The following C1orf21 variants were observed in gnomAD, a reference collection of about 807,000 sequenced individuals.
The protein encoded by C1orf21 is uncharacterized protein C1orf21.
In C1orf21, 3 loss-of-function variants were observed where a neutral mutation model predicts 18.7. That is an observed-to-expected ratio of 0.16 (90% CI 0.07 to 0.42). C1orf21 has a LOEUF of 0.42. Ranked by LOEUF, C1orf21 falls within the 10% of genes least tolerant of loss-of-function variation. The pLI is 0.99. For missense variants in C1orf21, 104 were observed against 143.6 expected, an observed-to-expected ratio of 0.72 and a Z score of 1.41; for synonymous variants, 41 against 46.4, an observed-to-expected ratio of 0.88 and a Z score of 0.47.
intron 1 of C1orf21, among the ~76,000 whole-genome samples, chr1:184,413,747 C>G (rs541908468): frequency 6.6e-6 from 1 of 152,146 alleles, no homozygotes; most frequent in Non-Finnish European, 1.5e-5. Flanking sequence ...GAAGAAGTGT[C>G]TCTACCATGA....
chr1:184,420,971 A>G (rs1419115735), intron 1 of C1orf21, among the ~76,000 whole-genome samples: 1 of 152,188 alleles, frequency 6.6e-6, no homozygotes, highest in Non-Finnish European at 1.5e-5. Flanking sequence ...CCACAAATGC[A>G]CCTACCCTTT....
chr1:184,424,369 G>A (rs1656599509), intron 1 of C1orf21, among the ~76,000 whole-genome samples: 1 of 152,148 alleles, frequency 6.6e-6, no homozygotes, highest in Admixed American at 6.5e-5. Flanking sequence ...GTTGTGACTT[G>A]CCTAAGATCG....
intron 1 of C1orf21, among the ~76,000 whole-genome samples, chr1:184,435,339 T>G (rs1004911041): frequency 2.6e-5 from 4 of 152,158 alleles, no homozygotes; most frequent in African/African-American, 9.7e-5. Flanking sequence ...TAGTATTTGT[T>G]TTTTGTCGTT....
chr1:184,423,372 A>T (rs1368988212), intron 1 of C1orf21, among the ~76,000 whole-genome samples: 2 of 152,202 alleles, frequency 1.3e-5, no homozygotes, highest in African/African-American at 4.8e-5. Flanking sequence ...TGGAGGATAT[A>T]TCCAAGATGG....
chr1:184,486,900 T>G (rs115184604), intron 2 of C1orf21, among the ~76,000 whole-genome samples: 113 of 152,258 alleles, frequency 7.4e-4, no homozygotes, highest in African/African-American at 2.5e-3. Context: ...CCAAGTCCCT[T>G]TGGTTTTCTT....
chr1:184,403,527 G>A (rs907869289), intron 1 of C1orf21, among the ~76,000 whole-genome samples: 6 of 152,154 alleles, frequency 3.9e-5, no homozygotes, highest in Non-Finnish European at 8.8e-5. Flanking sequence ...TGAGACTTCA[G>A]AGGTGCTTGT....
At chr1:184,507,353 C>T (rs1360476199) in intron 2 of C1orf21, among the ~76,000 whole-genome samples, 1 of 152,104 alleles carries the variant, frequency 6.6e-6, no homozygotes, top group African/African-American at 2.4e-5. Context: ...CAGGCAGTGA[C>T]ACTTTGATTA....
At chr1:184,414,381 G>A (rs545574821) in intron 1 of C1orf21, among the ~76,000 whole-genome samples, 1 of 152,120 alleles carries the variant, frequency 6.6e-6, no homozygotes, top group South Asian at 2.1e-4. Flanking sequence ...CTCCTGCCTC[G>A]GCGTTTCAAA....
intron 1 of C1orf21, among the ~76,000 whole-genome samples, chr1:184,455,295 A>G (rs1211874305): frequency 1.3e-5 from 2 of 152,208 alleles, no homozygotes; most frequent in African/African-American, 4.8e-5. Flanking sequence ...TTAAACTTGT[A>G]AATAAAACCT....
intron 3 of C1orf21, among the ~76,000 whole-genome samples, chr1:184,548,524 C>A (rs973500344): frequency 1.3e-5 from 2 of 151,108 alleles, no homozygotes; most frequent in East Asian, 3.9e-4. Flanking sequence ...ACGCCATTCT[C>A]CCCATTGCAG....
At position 184,418,985 on chromosome 1, in the gene C1orf21, A is replaced by C. The variant is rs142162874; in HGVS notation, c.-125+31617A>C. On this transcript the variant is annotated intron_variant, in intron 1 of 5. Transcript: ENST00000235307. ...ATATGTGTCTGTGTGTTCTTGGGCC[A>C]TGTTTTCTTTACATGAGTAAACTGC... Among the ~76,000 whole-genome samples the C allele has an allele frequency of 5.9e-3, 893 of 152,316 alleles. 33 individuals are homozygous for C. The highest frequency in any genetic ancestry group is 0.052 in the Admixed American group (797 of 15,304).
At chr1:184,396,372 G>A (rs75365490) in intron 1 of C1orf21, among the ~76,000 whole-genome samples, 3,314 of 152,170 alleles carry the variant, frequency 0.022, 119 homozygotes, top group African/African-American at 0.075. Flanking sequence ...AAAGGGGACA[G>A]ACAGAAGAAG....
At chr1:184,537,811 G>A (rs1411168713) in intron 3 of C1orf21, among the ~76,000 whole-genome samples, 3 of 151,878 alleles carry the variant, frequency 2.0e-5, no homozygotes, top group Non-Finnish European at 2.9e-5. Context: ...CTACCATGCC[G>A]GCTAATTTTG....
rs911397972 is a variant in C1orf21 at position 184,628,038 on chromosome 1, G to A, written c.*8482G>A. On this transcript the variant is annotated 3_prime_UTR_variant, in exon 6 of 6. Transcript: ENST00000235307. ...TGGCCTTATATTCAAGGAAAATCTA[G>A]CATCAAGATTACGAGGCATCACCTC... 2.0e-5 allele frequency: 3 copies of A among 152,192 alleles called. No individual in the cohort carries two copies. Among genetic ancestry groups the A allele is most frequent in the African/African-American group, 7.2e-5 (3 of 41,440 alleles). 9.4% of individuals were successfully genotyped at this position (152,192 alleles called of 1,614,324 possible). A position where few individuals can be genotyped will look rare whatever the true frequency, so the allele number is the denominator to read the frequency against.
intron 2 of C1orf21, among the ~76,000 whole-genome samples, chr1:184,498,653 A>C (rs1657928699): frequency 1.3e-5 from 2 of 152,222 alleles, no homozygotes; most frequent in Non-Finnish European, 2.9e-5. Context: ...AAAGGAGGGC[A>C]TGTGAGATAC....
At chr1:184,427,099 T>C (rs1656653045) in intron 1 of C1orf21, among the ~76,000 whole-genome samples, 1 of 152,314 alleles carries the variant, frequency 6.6e-6, no homozygotes, top group African/African-American at 2.4e-5. Flanking sequence ...TCACCAGATA[T>C]CAGACTGGCA....
Position 184,590,720 on chromosome 1 carries a change from C to G in C1orf21, c.190-19C>G. 6.3e-7 allele frequency: 1 copy of G among 1,595,198 alleles called. No individual in the cohort carries two copies. The highest frequency in any genetic ancestry group is 8.6e-7 in the Non-Finnish European group (1 of 1,162,980). On this transcript the variant is annotated intron_variant, in intron 3 of 5. Transcript: ENST00000235307. ...GATTCTAATCCTGTCTTTCACATGT[C>G]TGTGTTTATGTGTTTCAGGAAAAAA...
In C1orf21 at chr1:184,410,665, T is replaced by TATATATATATATAATATATATATA. The variant is rs1557965191; in HGVS notation, c.-125+23297_-125+23298insATATATATATATAATATATATATA. ...TATATATATATATATATATATATAT[T>TATATATATATATAATATATATATA]TTTTTTTTTTTTTTTTGAGATGGAG... On this transcript the variant is annotated intron_variant, in intron 1 of 5. Coordinates refer to ENST00000235307, the MANE Select transcript of C1orf21 (RefSeq NM_030806.4). Among the ~76,000 whole-genome samples the TATATATATATATAATATATATATA allele has an allele frequency of 1.6e-3, 27 of 16,506 alleles. 6 individuals are homozygous for TATATATATATATAATATATATATA. In the African/African-American group the frequency reaches 0.036, roughly 22 times the overall value. 10.8% of individuals were successfully genotyped at this position (16,506 alleles called of 152,430 possible).
chr1:184,595,513 A>G (rs1558010890), intron 4 of C1orf21, among the ~76,000 whole-genome samples: 1 of 152,174 alleles, frequency 6.6e-6, no homozygotes, highest in Non-Finnish European at 1.5e-5. Flanking sequence ...ACCCATGTTT[A>G]TCTAGACAGG....
Sources: gnomAD v4.1 joint callset for allele counts (sites outside exome capture counted in the v4.1 genomes callset) on GRCh38, gnomAD v4.1.1 for gene constraint, MANE v1.5 for transcripts, NCBI Gene and HGNC (gene_info 2026-07-23, HGNC 2026-07-21) for gene names.